HUNK: variants seen among roughly 807,000 people sequenced by gnomAD.
HUNK encodes hormonally up-regulated neu tumor-associated kinase.
In HUNK, 21 loss-of-function variants were observed where a neutral mutation model predicts 61.0. The observed-to-expected ratio is 0.34, with a 90% CI of 0.24 to 0.50. The LOEUF (loss-of-function observed/expected upper bound fraction) is 0.50. HUNK is among the 20% of genes least tolerant of loss of function. The probability of loss-of-function intolerance (pLI) is 0.98; values close to 1 mark genes in which losing one functional copy is unlikely to be tolerated. For missense variants in HUNK, 772 were observed against 945.7 expected, an observed-to-expected ratio of 0.82 and a Z score of 2.41; for synonymous variants, 371 against 386.1, an observed-to-expected ratio of 0.96 and a Z score of 0.46.
intron 2 of HUNK, among the ~76,000 whole-genome samples, chr21:31,939,534 G>A (rs962225469): frequency 2.0e-5 from 3 of 146,664 alleles, no homozygotes; most frequent in African/African-American, 5.1e-5. Flanking sequence ...TCAGCCTCCC[G>A]AGTTGCTGGA....
At chr21:31,877,733 C>G (rs927035544) in intron 1 of HUNK, among the ~76,000 whole-genome samples, 1 of 152,136 alleles carries the variant, frequency 6.6e-6, no homozygotes, top group Admixed American at 6.5e-5. Context: ...AGACGAAGAG[C>G]AAAGCTGTTG....
intron 7 of HUNK, among the ~76,000 whole-genome samples, chr21:31,977,699 A>G (rs1106542): frequency 1.6e-4 from 25 of 151,846 alleles, no homozygotes; most frequent in Non-Finnish European, 2.4e-4. Context: ...CCAAACCAAA[A>G]CAAAACACAA....
chr21:31,874,789 A>G (rs1319787060), intron 1 of HUNK, among the ~76,000 whole-genome samples: 2 of 151,602 alleles, frequency 1.3e-5, no homozygotes, highest in Non-Finnish European at 2.9e-5. Context: ...AGGAAAGGGG[A>G]CCTCCGCGAG....
intron 4 of HUNK, among the ~76,000 whole-genome samples, chr21:31,955,570 G>C (rs1050828057): frequency 4.6e-5 from 7 of 152,184 alleles, no homozygotes; most frequent in African/African-American, 1.7e-4. Flanking sequence ...CAGCCTGGGC[G>C]ATGGAGCGAG....
At chr21:31,981,830 T>C (rs536789314) in intron 7 of HUNK, among the ~76,000 whole-genome samples, 2 of 151,620 alleles carry the variant, frequency 1.3e-5, no homozygotes, top group South Asian at 4.1e-4. Flanking sequence ...TTTCCAATTT[T>C]GATCCCTTTT....
chr21:31,982,391 T>C (rs2053103865), intron 7 of HUNK, among the ~76,000 whole-genome samples: 1 of 152,256 alleles, frequency 6.6e-6, no homozygotes, highest in African/African-American at 2.4e-5. Flanking sequence ...GCTAATTTAA[T>C]TGTACTGTAT....
Position 31,924,533 on chromosome 21 carries a change from G to T in HUNK, c.327G>T (p.Arg109=). ...ACACCTATGTCACCAAAAACCTGCG[G>T]CGAGAGGGTCAGATCCAGCAGATGA... ...KKDTYVTKNL[R]REGQIQQMIR... The change falls in exon 2 of 11, where the codon CGG becomes CGT. Residue 109 remains arginine, a synonymous_variant. Coordinates refer to ENST00000270112, the MANE Select transcript of HUNK (RefSeq NM_014586.2). This position sits in a 1 kb window ranked among gnomAD's most constrained non-coding sequence, Gnocchi z 5.1. The T allele has an allele frequency of 6.2e-7, 1 of 1,614,158 alleles. No homozygotes were observed. Among genetic ancestry groups the T allele is most frequent in the Non-Finnish European group, 8.5e-7 (1 of 1,180,022 alleles).
chr21:31,998,418 C>A, intron 10 of HUNK, 108 bp from the exon 11 acceptor site: 1 of 1,106,238 alleles, frequency 9.0e-7, no homozygotes. Context: ...TTTCTTCTGA[C>A]CTTGGCGGGA....
At chr21:31,883,620 T>C (rs2052325536) in intron 1 of HUNK, among the ~76,000 whole-genome samples, 1 of 152,204 alleles carries the variant, frequency 6.6e-6, no homozygotes, top group Non-Finnish European at 1.5e-5. Flanking sequence ...TTGCAGAAGT[T>C]ATTTCTTGGG....
At chr21:31,960,713 G>T (rs972773973) in intron 5 of HUNK, among the ~76,000 whole-genome samples, 5 of 152,240 alleles carry the variant, frequency 3.3e-5, no homozygotes, top group Middle Eastern at 3.4e-3. Flanking sequence ...GATCTCGTGA[G>T]ACTTATTCAC....
At chr21:31,892,812 C>G (rs989188738) in intron 1 of HUNK, among the ~76,000 whole-genome samples, 1 of 152,066 alleles carries the variant, frequency 6.6e-6, no homozygotes, top group African/African-American at 2.4e-5. Flanking sequence ...CCCTGAGGAC[C>G]GCGATGCCTC....
chr21:31,914,298 T>A (rs988213344), intron 1 of HUNK, among the ~76,000 whole-genome samples: 3 of 149,756 alleles, frequency 2.0e-5, no homozygotes, highest in African/African-American at 5.0e-5. Flanking sequence ...TCTCAGCTAC[T>A]CGGGAAGGCT....
intron 1 of HUNK, among the ~76,000 whole-genome samples, chr21:31,892,178 TATAGAGAGAGAGAG>T (rs1306452220): frequency 1.9e-5 from 2 of 104,008 alleles, no homozygotes; most frequent in East Asian, 5.8e-4. Flanking sequence ...TATATATATA[TATAGAGAGAGAGAG>T]AGAGAGAGAG....
chr21:31,930,997 A>G (rs1047194566), intron 2 of HUNK, among the ~76,000 whole-genome samples: 6 of 144,608 alleles, frequency 4.1e-5, no homozygotes, highest in African/African-American at 1.3e-4. Context: ...CAAAATACCC[A>G]TATTGTAAAT....
At chr21:31,993,440 A>G (rs1394027179) in intron 9 of HUNK, among the ~76,000 whole-genome samples, 1 of 152,228 alleles carries the variant, frequency 6.6e-6, no homozygotes. Flanking sequence ...AGCAATCCTA[A>G]AACAGAAGGA....
In HUNK at chr21:31,946,289, C is replaced by T. The variant is rs1303839954; in HGVS notation, c.746+118C>T. ...ATAGGTGACAGGCCCAGGAGTATGTCATCAGGGATTCTTTGGGGCCTGGCT... is the reference window on the plus strand; with the variant it reads ...ATAGGTGACAGGCCCAGGAGTATGTTATCAGGGATTCTTTGGGGCCTGGCT... On this transcript the variant is annotated intron_variant, in intron 4 of 10. Coordinates refer to ENST00000270112, the MANE Select transcript of HUNK (RefSeq NM_014586.2). 7.1e-6 allele frequency: 7 copies of T among 988,114 alleles called. 1 individual carries two copies. The highest frequency in any genetic ancestry group is 1.0e-5 in the Non-Finnish European group (7 of 695,854). 61.2% of individuals were successfully genotyped at this position (988,114 alleles called of 1,614,324 possible). A position where few individuals can be genotyped will look rare whatever the true frequency, so the allele number is the denominator to read the frequency against.
chr21:31,963,991 C>G (rs538499640), intron 5 of HUNK, among the ~76,000 whole-genome samples: 1 of 152,320 alleles, frequency 6.6e-6, no homozygotes, highest in South Asian at 2.1e-4. Context: ...GAGGGCCTTT[C>G]TAAGTCTCTC....
chr21:31,965,005 A>G (rs1266581621), intron 5 of HUNK, among the ~76,000 whole-genome samples: 1 of 152,166 alleles, frequency 6.6e-6, no homozygotes, highest in Non-Finnish European at 1.5e-5. Flanking sequence ...ACCCGCTCCA[A>G]TTCATTAAGC....
In HUNK at chr21:31,997,756, C is replaced by T. The variant is rs79604620; in HGVS notation, c.1487-770C>T. 7.6e-3 allele frequency among the ~76,000 whole-genome samples: 1,150 copies of T among 152,214 alleles called. 15 individuals carry two copies. The highest frequency in any genetic ancestry group is 0.025 in the African/African-American group (1,046 of 41,508). ...CACAATAAATAAATTTTTTAAATGT[C>T]ACAAGGGAAACATGTCTTCCACTGT... On this transcript the variant is annotated intron_variant, in intron 10 of 10. Coordinates refer to ENST00000270112, the MANE Select transcript of HUNK (RefSeq NM_014586.2).
Sources: allele counts gnomAD v4.1 joint callset (sites outside exome capture counted in the v4.1 genomes callset), GRCh38; gene constraint gnomAD v4.1.1; non-coding constraint Gnocchi (gnomAD v3.1); transcripts MANE v1.5; gene names NCBI Gene and HGNC (gene_info 2026-07-23, HGNC 2026-07-21).